Variants in HTR2C observed in about 807,000 individuals in gnomAD.
The protein encoded by HTR2C is 5-hydroxytryptamine (serotonin) receptor 2C, G protein-coupled.
In HTR2C, 5 loss-of-function variants were observed where a neutral mutation model predicts 21.0. The ratio of observed to expected loss-of-function variants is 0.24; its 90% CI spans 0.12 to 0.50. The LOEUF (loss-of-function observed/expected upper bound fraction) is 0.50. HTR2C is among the 20% of genes least tolerant of loss of function. HTR2C has a pLI of 0.98. For synonymous variants in HTR2C, 150 were observed against 145.3 expected (o/e 1.03, Z -0.23); for missense variants, 271 against 371.2 (o/e 0.73, Z 2.22).
chrX:114,616,883 A>T (rs1928971693), intron 2 of HTR2C, among the ~76,000 whole-genome samples: 1 of 112,355 alleles, frequency 8.9e-6, no homozygotes, highest in Non-Finnish European at 1.9e-5. Context: ...ATTTCAAGTT[A>T]TTCACAGAAA....
intron 2 of HTR2C, among the ~76,000 whole-genome samples, chrX:114,678,030 T>A (rs192231768): frequency 1.8e-5 from 2 of 111,006 alleles, no homozygotes; most frequent in Admixed American, 1.9e-4. Flanking sequence ...CGACATTTTA[T>A]AATATAAAAT....
intron 4 of HTR2C, among the ~76,000 whole-genome samples, chrX:114,787,685 C>T (rs1438752195): frequency 2.7e-5 from 3 of 111,852 alleles, no homozygotes; most frequent in Non-Finnish European, 5.6e-5. Flanking sequence ...CGGTGGCTCA[C>T]GCCTGTAATC....
At chrX:114,745,963 A>G (rs1198287289) in intron 4 of HTR2C, among the ~76,000 whole-genome samples, 1 of 112,205 alleles carries the variant, frequency 8.9e-6, no homozygotes, top group African/African-American at 3.2e-5. Flanking sequence ...AAAGAGTATA[A>G]TTGGATTGTT....
At chrX:114,886,256 C>T (rs2071219359) in intron 5 of HTR2C, among the ~76,000 whole-genome samples, 1 of 110,482 alleles carries the variant, frequency 9.1e-6, no homozygotes, top group South Asian at 3.8e-4. Flanking sequence ...TACATTGTGC[C>T]TCCTGTGTAC....
At chrX:114,893,563 T>C (rs1556483320) in intron 5 of HTR2C, among the ~76,000 whole-genome samples, 1 of 111,569 alleles carries the variant, frequency 9.0e-6, no homozygotes, top group African/African-American at 3.2e-5. Context: ...AGCCAGATCA[T>C]CAATCTAAAT....
At chrX:114,731,185 G>A in intron 3 of HTR2C, 109 bp from the exon 4 acceptor site, 1 of 491,247 alleles carries the variant, frequency 2.0e-6, no homozygotes, top group Non-Finnish European at 3.5e-6. Flanking sequence ...TGCTGATGAT[G>A]ATAATGATGA....
chrX:114,785,577 G>A (rs916906555), intron 4 of HTR2C, among the ~76,000 whole-genome samples: 2 of 110,592 alleles, frequency 1.8e-5, no homozygotes, highest in Non-Finnish European at 3.8e-5. Flanking sequence ...GGAAACACAG[G>A]GTATCAATAT....
intron 2 of HTR2C, among the ~76,000 whole-genome samples, chrX:114,664,301 G>C (rs1325855987): frequency 9.0e-6 from 1 of 111,149 alleles, no homozygotes; most frequent in Admixed American, 9.6e-5. Flanking sequence ...GTGGTTTGCC[G>C]CATAGATCAA....
intron 4 of HTR2C, among the ~76,000 whole-genome samples, chrX:114,841,074 G>T (rs147295142): frequency 1.1e-3 from 125 of 111,831 alleles, no homozygotes; most frequent in African/African-American, 3.9e-3. Flanking sequence ...GAAGGATGCT[G>T]GTTAACCTTC....
chrX:114,779,991 A>T (rs1556440150), intron 4 of HTR2C, among the ~76,000 whole-genome samples: 1 of 111,331 alleles, frequency 9.0e-6, no homozygotes, highest in African/African-American at 3.3e-5. Context: ...ATAGATCAAA[A>T]ATATTTTAAA....
intron 2 of HTR2C, among the ~76,000 whole-genome samples, chrX:114,722,488 T>G (rs1160458725): frequency 9.0e-6 from 1 of 111,322 alleles, no homozygotes; most frequent in Non-Finnish European, 1.9e-5. Context: ...CCTCTTTTCC[T>G]AATTGAATAC....
intron 4 of HTR2C, among the ~76,000 whole-genome samples, chrX:114,829,348 A>G (rs1424395797): frequency 6.3e-5 from 7 of 111,581 alleles, no homozygotes; most frequent in Non-Finnish European, 9.4e-5. Context: ...CTTGTTGGCC[A>G]TTTGTATATC....
chrX:114,725,429 CAA>C (rs1485154987), intron 2 of HTR2C, among the ~76,000 whole-genome samples: 2 of 110,349 alleles, frequency 1.8e-5, no homozygotes, highest in Non-Finnish European at 3.8e-5. Flanking sequence ...AAATTTTTTT[CAA>C]AGTTTTCATC....
chrX:114,610,706 C>A (rs1928688735), intron 1 of HTR2C, among the ~76,000 whole-genome samples: 1 of 111,363 alleles, frequency 9.0e-6, no homozygotes, highest in Non-Finnish European at 1.9e-5. Context: ...AAATCAGTCA[C>A]TGTGGAAATT....
chrX:114,671,493 G>A (rs1440896123), intron 2 of HTR2C, among the ~76,000 whole-genome samples: 2 of 111,351 alleles, frequency 1.8e-5, no homozygotes, highest in Non-Finnish European at 3.8e-5. Flanking sequence ...CACAAGATTT[G>A]GATTTGTAAC....
chrX:114,610,904 CAA>C (rs1434081236), intron 1 of HTR2C, among the ~76,000 whole-genome samples: 2 of 111,133 alleles, frequency 1.8e-5, no homozygotes, highest in African/African-American at 6.5e-5. Context: ...AAGTGAGCCT[CAA>C]GAGAAAAAAA....
chrX:114,628,824 A>G (rs1323371528), intron 2 of HTR2C, among the ~76,000 whole-genome samples: 1 of 112,180 alleles, frequency 8.9e-6, no homozygotes, highest in Non-Finnish European at 1.9e-5. Context: ...TTTGACGTGT[A>G]TGCACACTGA....
At chrX:114,836,600 C>A (rs1427254913) in intron 4 of HTR2C, among the ~76,000 whole-genome samples, 7 of 112,118 alleles carry the variant, frequency 6.2e-5, no homozygotes, top group East Asian at 2.8e-4. Context: ...CCTGCGCCCA[C>A]TGTCTGTTAC....
At chrX:114,645,792 T>C (rs1422394544) in intron 2 of HTR2C, among the ~76,000 whole-genome samples, 1 of 112,068 alleles carries the variant, frequency 8.9e-6, no homozygotes, top group Non-Finnish European at 1.9e-5. Context: ...GATATGGACC[T>C]TTTCTGAATG....
Sources: gnomAD v4.1 joint callset for allele counts (sites outside exome capture counted in the v4.1 genomes callset) on GRCh38, gnomAD v4.1.1 for gene constraint, MANE v1.5 for transcripts, NCBI Gene and HGNC (gene_info 2026-07-23, HGNC 2026-07-21) for gene names.